The following CEP112 variants were observed in gnomAD, a reference collection of about 807,000 sequenced individuals.
The protein encoded by CEP112 is centrosomal protein of 112 kDa.
A neutral mutation model predicts 153.0 loss-of-function variants in CEP112; 127 were observed. That is an observed-to-expected ratio of 0.83 (90% CI 0.72 to 0.96). CEP112 has a LOEUF of 0.96. Among genes scored for constraint, CEP112 ranks in the 40% least tolerant of loss-of-function variants. The pLI is 0.00. For missense variants in CEP112, 1,089 were observed against 1,101.2 expected (o/e 0.99, Z 0.16); for synonymous variants, 358 against 374.4 (o/e 0.96, Z 0.51).
rs1021147587 is a variant in CEP112, at chr17:66,068,687, A to C, written c.855+1228T>G. 3.3e-5 allele frequency among the ~76,000 whole-genome samples: 5 copies of C among 152,132 alleles called. No individual in the cohort carries two copies. In the East Asian group the frequency reaches 9.6e-4, roughly 29 times the overall value. Reference sequence around the variant, plus strand: ...AAATTTCAGGATTTATTTTAAAGAGAAATTGCTGGAAAGAATTTTATTATT... The same window carrying C: ...AAATTTCAGGATTTATTTTAAAGAGCAATTGCTGGAAAGAATTTTATTATT... On this transcript the variant is annotated intron_variant, in intron 9 of 26. Coordinates refer to ENST00000535342, the MANE Select transcript of CEP112 (RefSeq NM_001199165.4).
intron 4 of CEP112, among the ~76,000 whole-genome samples, chr17:66,171,053 T>C (rs1431058384): frequency 6.6e-6 from 1 of 152,114 alleles, no homozygotes; most frequent in Non-Finnish European, 1.5e-5. Context: ...GAGTATGACC[T>C]CACCATACTT....
chr17:65,816,114 G>T (rs921007991), intron 21 of CEP112, among the ~76,000 whole-genome samples: 4 of 151,764 alleles, frequency 2.6e-5, no homozygotes, highest in South Asian at 2.1e-4. Context: ...TTAGTTGTTG[G>T]TTTTTCTTTT....
At chr17:65,800,121 T>G (rs747485129) in intron 21 of CEP112, among the ~76,000 whole-genome samples, 16 of 152,170 alleles carry the variant, frequency 1.1e-4, no homozygotes, top group Admixed American at 5.9e-4. Flanking sequence ...TTTAAAAAAC[T>G]GAGATATAAC....
intron 4 of CEP112, among the ~76,000 whole-genome samples, chr17:66,149,888 G>GGTTTTTTTTTT (rs2071110287): frequency 1.8e-5 from 1 of 54,712 alleles, no homozygotes; most frequent in East Asian, 6.3e-4. Flanking sequence ...TTGTTTGTTT[G>GGTTTTTTTTTT]TTTTTTTTTT....
intron 21 of CEP112, among the ~76,000 whole-genome samples, chr17:65,809,471 A>G (rs1052598391): frequency 4.6e-5 from 7 of 152,342 alleles, no homozygotes; most frequent in African/African-American, 1.4e-4. Context: ...AGTCCAGTGA[A>G]GAGTCAATTT....
rs79536667 is a variant in CEP112 at position 66,038,109 on chromosome 17, A to G, written c.1219-8086T>C. On this transcript the variant is annotated intron_variant, in intron 12 of 26. Coordinates refer to ENST00000535342, the MANE Select transcript of CEP112 (RefSeq NM_001199165.4). ...GAGCAAGACTCTGTCTCAAAAAAAA[A>G]AAAAAGAAAAGAAAAGAAAAGAAAA... 2.0e-5 allele frequency among the ~76,000 whole-genome samples: 3 copies of G among 149,590 alleles called. 1 individual carries two copies. The highest frequency in any genetic ancestry group is 2.0e-4 in the Admixed American group (3 of 15,070).
intron 21 of CEP112, among the ~76,000 whole-genome samples, chr17:65,849,662 C>T (rs1301351890): frequency 6.6e-6 from 1 of 152,140 alleles, no homozygotes; most frequent in African/African-American, 2.4e-5. Context: ...ATCCAATTTT[C>T]TTAAATCAAG....
intron 17 of CEP112, among the ~76,000 whole-genome samples, chr17:66,000,810 T>C (rs1247981848): frequency 6.6e-6 from 1 of 152,224 alleles, no homozygotes; most frequent in East Asian, 1.9e-4. Flanking sequence ...CCAAGCATCG[T>C]TGATGTTCTT....
intron 24 of CEP112, among the ~76,000 whole-genome samples, chr17:65,688,065 T>C (rs1001581921): frequency 6.6e-5 from 10 of 152,226 alleles, no homozygotes; most frequent in Non-Finnish European, 1.2e-4. Flanking sequence ...AAATTACCAC[T>C]AAGTGTAATT....
At chr17:66,019,408 C>G (rs2064907244) in intron 16 of CEP112, among the ~76,000 whole-genome samples, 1 of 152,062 alleles carries the variant, frequency 6.6e-6, no homozygotes, top group Non-Finnish European at 1.5e-5. Flanking sequence ...TTCGAGCTAT[C>G]AAAAAGGATA....
intron 20 of CEP112, among the ~76,000 whole-genome samples, chr17:65,896,573 A>C (rs1255699309): frequency 6.6e-6 from 1 of 152,050 alleles, no homozygotes; most frequent in Non-Finnish European, 1.5e-5. Context: ...TATTAAATTC[A>C]CATGTAATAC....
chr17:65,987,569 C>T (rs1705178900), intron 17 of CEP112, among the ~76,000 whole-genome samples: 1 of 152,138 alleles, frequency 6.6e-6, no homozygotes, highest in African/African-American at 2.4e-5. Flanking sequence ...AGAATTACAT[C>T]TGATTCAGAT....
intron 4 of CEP112, among the ~76,000 whole-genome samples, chr17:66,156,826 T>A (rs939341582): frequency 1.3e-5 from 2 of 151,726 alleles, no homozygotes; most frequent in African/African-American, 4.8e-5. Flanking sequence ...GAAGACAAGA[T>A]TAGAGAAAAA....
chr17:66,024,221 A>G (rs1315264484), intron 16 of CEP112, among the ~76,000 whole-genome samples: 1 of 152,094 alleles, frequency 6.6e-6, no homozygotes, highest in East Asian at 1.9e-4. Context: ...CACGATAAAC[A>G]GGGAAAAGTT....
intron 21 of CEP112, among the ~76,000 whole-genome samples, chr17:65,843,937 C>A (rs1374839012): frequency 6.6e-6 from 1 of 152,030 alleles, no homozygotes; most frequent in Non-Finnish European, 1.5e-5. Context: ...AAAATTAAAT[C>A]ATAAAAGGCA....
chr17:66,149,875 TTTTTG>T (rs1568549186), intron 4 of CEP112, among the ~76,000 whole-genome samples: 3 of 80,326 alleles, frequency 3.7e-5, no homozygotes, highest in Admixed American at 1.6e-4. Context: ...AGGGTTTTTT[TTTTTG>T]TTTGTTTGTT....
At position 66,005,697 on chromosome 17, in the gene CEP112, C is replaced by G; in HGVS notation, c.1729G>C (p.Ala577Pro). The change falls in exon 17 of 27, where the codon GCT (alanine) becomes CCT (proline). Residue 577 changes from alanine to proline, a missense_variant. Coordinates refer to ENST00000535342, the MANE Select transcript of CEP112 (RefSeq NM_001199165.4). ...CATTACAATTTTACTCACTTCAAAGCTTCCTCAAATTTATGAATTTTCTTT... is the reference window on the plus strand; with the variant it reads ...CATTACAATTTTACTCACTTCAAAGGTTCCTCAAATTTATGAATTTTCTTT... ...TQKKIHKFEE[A>P]LKEKEEQLTR... The G allele has an allele frequency of 6.2e-7, 1 of 1,609,010 alleles. No individual in the cohort carries two copies. Among genetic ancestry groups the G allele is most frequent in the Non-Finnish European group, 8.5e-7 (1 of 1,178,424 alleles).
chr17:66,035,008 ATTT>A (rs1218978308), intron 12 of CEP112, among the ~76,000 whole-genome samples: 13 of 72,370 alleles, frequency 1.8e-4, no homozygotes, highest in Admixed American at 4.2e-4. Flanking sequence ...ATATATATAT[ATTT>A]TTTTTTTTAG....
At chr17:65,834,411 C>A (rs2057214662) in intron 21 of CEP112, among the ~76,000 whole-genome samples, 1 of 152,118 alleles carries the variant, frequency 6.6e-6, no homozygotes, top group Middle Eastern at 3.4e-3. Flanking sequence ...AGAGTAAACA[C>A]ACAACCTACA....
Sources: gnomAD v4.1 joint callset for allele counts (sites outside exome capture counted in the v4.1 genomes callset) on GRCh38, gnomAD v4.1.1 for gene constraint, MANE v1.5 for transcripts, NCBI Gene and HGNC (gene_info 2026-07-23, HGNC 2026-07-21) for gene names.